Variants in CACNA1A observed in about 807,000 individuals in gnomAD.
CACNA1A encodes the protein calcium voltage-gated channel subunit alpha1 A.
CACNA1A carries 57 observed loss-of-function variants against 262.4 expected under a neutral mutation model. The observed-to-expected ratio is 0.22, with a 90% CI of 0.18 to 0.27. CACNA1A has a LOEUF of 0.27. CACNA1A is among the 10% of genes least tolerant of loss of function. CACNA1A has a pLI of 1.00. For synonymous variants in CACNA1A, 1,431 were observed against 1,419.3 expected (o/e 1.01, Z -0.18); for missense variants, 2,526 against 3,562.8 (o/e 0.71, Z 7.41).
Position 13,286,913 on chromosome 19 carries a change from C to A in CACNA1A, c.3143G>T (p.Arg1048Leu). Residue 1048 changes from arginine (R) to leucine (L), a missense_variant, in exon 20 of 47, where the codon CGG becomes CTG. By Grantham distance (102) the Arg-to-Leu change is moderately radical (BLOSUM62 -2). Around this residue, in one of 17 missense-constraint regions of CACNA1A, gnomAD observed 765 missense variants for 748.6 expected, o/e 1.02. Transcript: ENST00000360228. ...PVSGPNLSTT[R>L]PIQQDLGRQD... ...GCGGCCCAGGTCCTGCTGGATTGGCCGGGTGGTTGACAGGTTGGGGCCCGA... is the reference window on the plus strand; with the variant it reads ...GCGGCCCAGGTCCTGCTGGATTGGCAGGGTGGTTGACAGGTTGGGGCCCGA... 6.2e-7 allele frequency: 1 copy of A among 1,612,708 alleles called. No homozygotes were observed. Among genetic ancestry groups the A allele is most frequent in the Non-Finnish European group, 8.5e-7 (1 of 1,179,574 alleles).
At position 13,298,660 on chromosome 19, in the gene CACNA1A, G is replaced by A. The variant is rs1236835344; in HGVS notation, c.2973C>T (p.Gly991=). 2 of 1,498,418 alleles carry A rather than the reference G, an allele frequency of 1.3e-6. No homozygotes were observed. Among genetic ancestry groups the A allele is most frequent in the Non-Finnish European group, 1.8e-6 (2 of 1,124,742 alleles). 92.8% of individuals were successfully genotyped at this position (1,498,418 alleles called of 1,614,324 possible). The change falls in exon 19 of 47, where the codon GGC becomes GGT. Residue 991 remains glycine, a synonymous_variant. Transcript: ENST00000360228. ...EGSRPARGGE[G]EGEGPDGGER... ...CGCCCCCGTCGGGGCCCTCGCCCTC[G>A]CCCTCGCCGCCCCGGGCCGGCCGGC...
chr19:13,323,903 G>A (rs8110914), intron 10 of CACNA1A, among the ~76,000 whole-genome samples: 40,272 of 151,912 alleles, frequency 0.27, 5,647 homozygotes, highest in East Asian at 0.43. Context: ...ACCATTTCAG[G>A]TCTGACATTT....
intron 3 of CACNA1A, among the ~76,000 whole-genome samples, chr19:13,421,477 G>C (rs751366526): frequency 6.6e-6 from 1 of 152,086 alleles, no homozygotes; most frequent in Non-Finnish European, 1.5e-5. Flanking sequence ...TAAAAAACCT[G>C]GTGGAAGAGC....
intron 1 of CACNA1A, among the ~76,000 whole-genome samples, chr19:13,500,527 C>G (rs565896934): frequency 6.6e-6 from 1 of 152,318 alleles, no homozygotes; most frequent in Admixed American, 6.5e-5. Flanking sequence ...CCTAAGCCAT[C>G]GAGGCCAGAC....
chr19:13,428,793 G>A (rs759414993), intron 3 of CACNA1A, among the ~76,000 whole-genome samples: 3 of 151,886 alleles, frequency 2.0e-5, no homozygotes, highest in East Asian at 1.9e-4. Flanking sequence ...AGCCAATCAC[G>A]TAGACCCCGA....
intron 38 of CACNA1A, among the ~76,000 whole-genome samples, chr19:13,222,263 A>G (rs1194531805): frequency 6.6e-6 from 1 of 151,984 alleles, no homozygotes; most frequent in East Asian, 1.9e-4. Flanking sequence ...GCTGATCTCG[A>G]ACTCCTGACC....
intron 12 of CACNA1A, among the ~76,000 whole-genome samples, chr19:13,311,477 A>G (rs2058032132): frequency 6.6e-6 from 1 of 152,214 alleles, no homozygotes; most frequent in African/African-American, 2.4e-5. Context: ...GTTTGTATGT[A>G]TTTTGTTTTC....
chr19:13,334,601 G>A (rs1011348701), intron 7 of CACNA1A, 108 bp from the exon 8 acceptor site: 2 of 637,862 alleles, frequency 3.1e-6, no homozygotes, highest in Non-Finnish European at 5.6e-6. Flanking sequence ...GTTTGTGTGT[G>A]TGTGTGTGTT....
At chr19:13,340,286 C>G (rs1480072867) in intron 6 of CACNA1A, among the ~76,000 whole-genome samples, 6 of 152,104 alleles carry the variant, frequency 3.9e-5, no homozygotes, top group African/African-American at 1.4e-4. Context: ...GGCCACAGGA[C>G]ATGCTACCCA....
chr19:13,327,138 C>A (rs2058377098), intron 10 of CACNA1A, among the ~76,000 whole-genome samples: 1 of 152,094 alleles, frequency 6.6e-6, no homozygotes, highest in Non-Finnish European at 1.5e-5. Flanking sequence ...ACCTCAGCTT[C>A]CCAAAATGTT....
chr19:13,464,649 C>T (rs191190550), intron 1 of CACNA1A, among the ~76,000 whole-genome samples: 58 of 151,206 alleles, frequency 3.8e-4, no homozygotes, highest in East Asian at 2.7e-3. Flanking sequence ...CCCAGGTTCA[C>T]GCCATTCTCC....
rs781413708 is a variant in CACNA1A at position 13,253,021 on chromosome 19, A to C, written c.4836T>G (p.Cys1612Trp). The change falls in exon 30 of 47, where the codon TGT (cysteine) becomes TGG (tryptophan). Residue 1612 changes from cysteine to tryptophan, a missense_variant. Coordinates refer to ENST00000360228, the MANE Select transcript of CACNA1A (RefSeq NM_001127222.2). ...TCCCAAAAGCCATGACTTTCAGCAC[A>C]CATTCCAGAGAGAAGAGGGAGGTGA... is the stretch of plus-strand genomic sequence containing the variant. ...IVFTSLFSLE[C>W]VLKVMAFGIL... The C allele has an allele frequency of 1.9e-6, 3 of 1,613,508 alleles. No homozygotes were observed. Among genetic ancestry groups the C allele is most frequent in the Non-Finnish European group, 2.5e-6 (3 of 1,179,474 alleles).
At position 13,235,140 on chromosome 19, in the gene CACNA1A, ACCCACC is replaced by A. The variant is rs936915112; in HGVS notation, c.5133+63_5133+68del. On this transcript the variant is annotated intron_variant, in intron 33 of 46. Coordinates refer to ENST00000360228, the MANE Select transcript of CACNA1A (RefSeq NM_001127222.2). The stretch of plus-strand genomic sequence containing the variant: ...TGCTTCTGTGAACCAGGCTCCTCTG[ACCCACC>A]CCTTTCTAAGGGTGGCTGCCCTCCT... 343 of 1,570,476 alleles carry A rather than the reference ACCCACC, an allele frequency of 2.2e-4. 1 individual carries two copies. The highest frequency in any genetic ancestry group is 2.8e-4 in the Non-Finnish European group (324 of 1,140,966).
chr19:13,268,921 T>C (rs1382925143), intron 24 of CACNA1A, among the ~76,000 whole-genome samples: 1 of 132,684 alleles, frequency 7.5e-6, no homozygotes, highest in African/African-American at 2.9e-5. Flanking sequence ...TTTTTTTTGA[T>C]GGATTCTCAC....
At chr19:13,398,030 G>C (rs2059838544) in intron 3 of CACNA1A, among the ~76,000 whole-genome samples, 1 of 152,014 alleles carries the variant, frequency 6.6e-6, no homozygotes, top group Non-Finnish European at 1.5e-5. Context: ...GGGAGGCCGA[G>C]GCAGGTGGGT....
At position 13,308,081 on chromosome 19, in the gene CACNA1A, C is replaced by T. The variant is rs750918956; in HGVS notation, c.1913+39G>A. 1.2e-6 allele frequency: 2 copies of T among 1,611,126 alleles called. No individual in the cohort carries two copies. Among genetic ancestry groups the T allele is most frequent in the Non-Finnish European group, 1.7e-6 (2 of 1,178,148 alleles). On this transcript the variant is annotated intron_variant, in intron 14 of 46. Transcript: ENST00000360228. The surrounding 1 kb of genome is among the most constrained non-coding windows in gnomAD (Gnocchi z 4.2). Reference sequence around the variant, plus strand: ...GACTGTGTGTTCCCTGAGCCTGACCCCAGGGAACCAGGAGTTGGAATTCCT... The same window carrying T: ...GACTGTGTGTTCCCTGAGCCTGACCTCAGGGAACCAGGAGTTGGAATTCCT...
chr19:13,355,710 C>T (rs967257955), intron 6 of CACNA1A, among the ~76,000 whole-genome samples: 1 of 152,148 alleles, frequency 6.6e-6, no homozygotes, highest in African/African-American at 2.4e-5. Flanking sequence ...CAGCTGATTG[C>T]AGTATAAGGC....
chr19:13,240,927 A>G (rs1382887725), intron 31 of CACNA1A, among the ~76,000 whole-genome samples: 1 of 152,222 alleles, frequency 6.6e-6, no homozygotes, highest in African/African-American at 2.4e-5. Flanking sequence ...CAAGTCTGGC[A>G]CTTCTGAGTT....
intron 31 of CACNA1A, among the ~76,000 whole-genome samples, chr19:13,240,739 CGTGCAGCGTCTGTGTGCAGTGACTGT>C (rs1384172278): frequency 6.9e-4 from 79 of 114,526 alleles, no homozygotes; most frequent in African/African-American, 2.4e-3. Context: ...GCAGTGACTG[CGTGCAGCGTCTGTGTGCAGTGACTGT>C]GTGCACAGTG....
Sources: allele counts gnomAD v4.1 joint callset (sites outside exome capture counted in the v4.1 genomes callset), GRCh38; gene constraint gnomAD v4.1.1; regional missense constraint gnomAD v4.1.1; non-coding constraint Gnocchi (gnomAD v3.1); transcripts MANE v1.5; gene names NCBI Gene and HGNC (gene_info 2026-07-23, HGNC 2026-07-21).